The following LINGO2 variants were observed in gnomAD, a reference collection of about 807,000 sequenced individuals.
The protein encoded by LINGO2 is leucine rich repeat and Ig domain containing 2, also known as leucine-rich repeat and immunoglobulin-like domain-containing nogo receptor-interacting protein 2.
A neutral mutation model predicts 30.6 loss-of-function variants in LINGO2; 14 were observed. The observed-to-expected ratio is 0.46, with a 90% CI of 0.30 to 0.72. LINGO2 has a LOEUF of 0.72. Among genes scored for constraint, LINGO2 ranks in the 30% least tolerant of loss-of-function variants. The probability of loss-of-function intolerance (pLI) is 0.07; values close to 1 mark genes in which losing one functional copy is unlikely to be tolerated. For synonymous variants in LINGO2, 317 were observed against 288.5 expected (o/e 1.10, Z -1.00); for missense variants, 729 against 751.7 (o/e 0.97, Z 0.35).
At chr9:27,970,149 C>T (rs1262893864) in intron 5 of LINGO2, among the ~76,000 whole-genome samples, 1 of 152,006 alleles carries the variant, frequency 6.6e-6, no homozygotes, top group Non-Finnish European at 1.5e-5. Flanking sequence ...TAGACTATAC[C>T]ACACACACTG....
chr9:27,995,186 C>A (rs1364898653), intron 5 of LINGO2, among the ~76,000 whole-genome samples: 3 of 151,928 alleles, frequency 2.0e-5, no homozygotes, highest in Non-Finnish European at 2.9e-5. Flanking sequence ...CAAGATTGAA[C>A]CATAAAGAAA....
At chr9:29,177,349 G>A in the LINGO2 span, among the ~76,000 whole-genome samples, 13 of 152,312 alleles carry the variant, frequency 8.5e-5, no homozygotes, top group African/African-American at 3.1e-4. Context: ...GGAAACTGAA[G>A]TTTAGAGAAG....
chr9:28,126,823 G>A (rs1157559880), intron 4 of LINGO2, among the ~76,000 whole-genome samples: 1 of 152,182 alleles, frequency 6.6e-6, no homozygotes, highest in Non-Finnish European at 1.5e-5. Flanking sequence ...AACTGGGGAT[G>A]CTCAGCAGTG....
chr9:28,236,108 CA>C (rs1294809530), intron 4 of LINGO2, among the ~76,000 whole-genome samples: 1 of 151,994 alleles, frequency 6.6e-6, no homozygotes, highest in Non-Finnish European at 1.5e-5. Context: ...AAATAACATA[CA>C]ATGGCACTCC....
chr9:28,711,155 TTTA>T, the LINGO2 span, among the ~76,000 whole-genome samples: 1 of 152,174 alleles, frequency 6.6e-6, no homozygotes, highest in Non-Finnish European at 1.5e-5. Context: ...GCTTAATGTA[TTTA>T]TTAAGTGATA....
At chr9:28,800,216 A>G in the LINGO2 span, among the ~76,000 whole-genome samples, 1 of 152,112 alleles carries the variant, frequency 6.6e-6, no homozygotes, top group Non-Finnish European at 1.5e-5. Context: ...CCCATCCCAC[A>G]GAAAATCAAC....
chr9:28,674,326 A>G (rs1180351633), upstream of LINGO2, among the ~76,000 whole-genome samples: 1 of 152,164 alleles, frequency 6.6e-6, no homozygotes, highest in East Asian at 1.9e-4. Context: ...TAAGCATATC[A>G]TTTAGGTTTA....
intron 4 of LINGO2, among the ~76,000 whole-genome samples, chr9:28,166,292 T>C (rs1470479007): frequency 6.6e-6 from 1 of 152,178 alleles, no homozygotes; most frequent in Non-Finnish European, 1.5e-5. Flanking sequence ...AGAGCTGAAC[T>C]TGTTTTCTGG....
chr9:29,081,007 G>A, the LINGO2 span, among the ~76,000 whole-genome samples: 1 of 152,016 alleles, frequency 6.6e-6, no homozygotes, highest in African/African-American at 2.4e-5. Flanking sequence ...AAAAGGAGGA[G>A]CTGGTACCAT....
intron 1 of LINGO2, among the ~76,000 whole-genome samples, chr9:28,514,135 T>G (rs967664986): frequency 3.9e-5 from 6 of 152,178 alleles, no homozygotes; most frequent in African/African-American, 1.4e-4. Context: ...ACTTGATCAA[T>G]AAATGTGTGT....
intron 2 of LINGO2, among the ~76,000 whole-genome samples, chr9:28,432,227 C>A (rs1823708222): frequency 6.6e-6 from 1 of 151,930 alleles, no homozygotes; most frequent in South Asian, 2.1e-4. Flanking sequence ...TAAAAATAAA[C>A]AATGACTATT....
the LINGO2 span, among the ~76,000 whole-genome samples, chr9:28,830,779 CATGCTCAT>C: frequency 6.6e-6 from 1 of 152,208 alleles, no homozygotes; most frequent in Admixed American, 6.5e-5. Flanking sequence ...CACACGTGTA[CATGCTCAT>C]ACACACACAC....
At chr9:28,029,050 T>G (rs1587722930) in intron 4 of LINGO2, among the ~76,000 whole-genome samples, 1 of 152,092 alleles carries the variant, frequency 6.6e-6, no homozygotes, top group Non-Finnish European at 1.5e-5. Context: ...TAGATGAGAG[T>G]GAGTATATAA....
chr9:28,472,778 G>A (rs905079658), intron 2 of LINGO2, among the ~76,000 whole-genome samples: 1 of 152,082 alleles, frequency 6.6e-6, no homozygotes, highest in African/African-American at 2.4e-5. Flanking sequence ...GCCCTCTGCA[G>A]TTCTGAAGAA....
At chr9:28,591,986 G>T (rs566994456) in intron 1 of LINGO2, among the ~76,000 whole-genome samples, 1 of 151,926 alleles carries the variant, frequency 6.6e-6, no homozygotes, top group Non-Finnish European at 1.5e-5. Context: ...GTATTTTTTG[G>T]ATATTATGTG....
At chr9:28,614,925 G>T (rs1324136158) in intron 1 of LINGO2, among the ~76,000 whole-genome samples, 1 of 152,088 alleles carries the variant, frequency 6.6e-6, no homozygotes, top group Non-Finnish European at 1.5e-5. Flanking sequence ...GCTAGAGGAT[G>T]CAGAGGCTTC....
At chr9:28,534,883 C>T (rs1023673715) in intron 1 of LINGO2, among the ~76,000 whole-genome samples, 3 of 152,000 alleles carry the variant, frequency 2.0e-5, no homozygotes, top group Non-Finnish European at 4.4e-5. Flanking sequence ...AAAATTAAAA[C>T]AGAGCTGCTC....
chr9:28,191,461 T>C (rs1311683121), intron 4 of LINGO2, among the ~76,000 whole-genome samples: 2 of 152,154 alleles, frequency 1.3e-5, no homozygotes, highest in Admixed American at 1.3e-4. Context: ...ACTTTCATTT[T>C]TTGTCTAGGC....
the LINGO2 span, among the ~76,000 whole-genome samples, chr9:28,747,179 G>T: frequency 2.0e-5 from 3 of 151,958 alleles, no homozygotes; most frequent in Non-Finnish European, 4.4e-5. Context: ...GAGATGAAGA[G>T]AGAGCAGAAG....
Sources: gnomAD v4.1 joint callset for allele counts (sites outside exome capture counted in the v4.1 genomes callset) on GRCh38, gnomAD v4.1.1 for gene constraint, MANE v1.5 for transcripts, NCBI Gene and HGNC (gene_info 2026-07-23, HGNC 2026-07-21) for gene names.